VAV3: variants seen among roughly 807,000 people sequenced by gnomAD.
The protein encoded by VAV3 is vav guanine nucleotide exchange factor 3.
In VAV3, 94 loss-of-function variants were observed where a neutral mutation model predicts 131.2. The ratio of observed to expected loss-of-function variants is 0.72; its 90% confidence interval spans 0.61 to 0.85. VAV3 has a LOEUF of 0.85. Among genes scored for constraint, VAV3 ranks in the 40% least tolerant of loss-of-function variants. VAV3 has a pLI of 0.00. For missense variants in VAV3, 939 were observed against 1,002.7 expected (o/e 0.94, Z 0.86); for synonymous variants, 349 against 342.0 (o/e 1.02, Z -0.22).
chr1:107,772,210 G>A (rs1041230342), intron 5 of VAV3, among the ~76,000 whole-genome samples: 2 of 152,300 alleles, frequency 1.3e-5, no homozygotes, highest in East Asian at 1.9e-4. Context: ...ATAAGGTTTT[G>A]AGGGCTCATA....
intron 1 of VAV3, among the ~76,000 whole-genome samples, chr1:107,879,402 A>G (rs1670657696): frequency 6.6e-6 from 1 of 152,212 alleles, no homozygotes; most frequent in African/African-American, 2.4e-5. Context: ...TCCTCTCAGA[A>G]AATTCTATAA....
intron 1 of VAV3, among the ~76,000 whole-genome samples, chr1:107,894,464 G>T (rs1671473470): frequency 6.6e-6 from 1 of 152,018 alleles, no homozygotes; most frequent in Non-Finnish European, 1.5e-5. Flanking sequence ...AAAACAAGCT[G>T]AACTCTCATA....
At chr1:107,910,623 G>A (rs1672321955) in intron 1 of VAV3, among the ~76,000 whole-genome samples, 1 of 152,180 alleles carries the variant, frequency 6.6e-6, no homozygotes, top group Non-Finnish European at 1.5e-5. Context: ...TTTAAAACAT[G>A]TAATACTAAT....
chr1:107,779,250 T>C (rs1665547127), intron 3 of VAV3, among the ~76,000 whole-genome samples, 184 bp downstream of exon 3: 1 of 152,064 alleles, frequency 6.6e-6, no homozygotes, highest in Admixed American at 6.5e-5. Context: ...GTTATTCAAC[T>C]CTATCAATAA....
intron 19 of VAV3, among the ~76,000 whole-genome samples, chr1:107,665,957 G>A (rs1437897893): frequency 6.6e-6 from 1 of 152,128 alleles, no homozygotes; most frequent in African/African-American, 2.4e-5. Context: ...AGAATTGTGA[G>A]GAAAAAGGAA....
At chr1:107,577,972 AAT>A (rs1649771027) in intron 25 of VAV3, among the ~76,000 whole-genome samples, 1 of 152,214 alleles carries the variant, frequency 6.6e-6, no homozygotes, top group South Asian at 2.1e-4. Context: ...ATCATCTTCC[AAT>A]ATATTCTGCC....
At chr1:107,861,767 T>C (rs1283739423) in intron 2 of VAV3, among the ~76,000 whole-genome samples, 2 of 151,550 alleles carry the variant, frequency 1.3e-5, no homozygotes, top group African/African-American at 2.4e-5. Flanking sequence ...ACACAATCTA[T>C]AAGGCACCTG....
chr1:107,908,935 T>C (rs1016868145), intron 1 of VAV3, among the ~76,000 whole-genome samples: 3 of 147,984 alleles, frequency 2.0e-5, no homozygotes. Context: ...CTCAGCAAAA[T>C]AACAAATACT....
intron 21 of VAV3, among the ~76,000 whole-genome samples, chr1:107,615,479 C>T (rs1396355080): frequency 6.6e-6 from 1 of 152,024 alleles, no homozygotes; most frequent in African/African-American, 2.4e-5. Context: ...AATGTAAATC[C>T]TAAAGCTATA....
intron 15 of VAV3, among the ~76,000 whole-genome samples, chr1:107,740,157 C>A (rs999772020): frequency 6.6e-6 from 1 of 152,066 alleles, no homozygotes; most frequent in Non-Finnish European, 1.5e-5. Flanking sequence ...TGTGGTGTTG[C>A]GTGCCTATAA....
At chr1:107,614,837 C>T (rs1424470207) in intron 21 of VAV3, among the ~76,000 whole-genome samples, 1 of 152,064 alleles carries the variant, frequency 6.6e-6, no homozygotes, top group African/African-American at 2.4e-5. Flanking sequence ...ATGCCTTATT[C>T]AAGAGGATGT....
chr1:107,863,696 C>A lies in VAV3; in HGVS notation c.321+11205G>T, dbSNP rs79041245. On this transcript the variant is annotated intron_variant, in intron 2 of 26. Coordinates refer to ENST00000370056, the MANE Select transcript of VAV3 (RefSeq NM_006113.5). The stretch of plus-strand genomic sequence containing the variant: ...TATAGATACGTATATCTTGGTATGT[C>A]TGTAAACCTCTGTGTGCATATTTAC... Among the ~76,000 whole-genome samples the A allele has an allele frequency of 4.2e-3, 645 of 152,276 alleles. 8 individuals carry two copies. Among genetic ancestry groups the A allele is most frequent in the African/African-American group, 0.015 (620 of 41,550 alleles).
At chr1:107,922,724 G>T (rs888362408) in intron 1 of VAV3, among the ~76,000 whole-genome samples, 5 of 151,742 alleles carry the variant, frequency 3.3e-5, no homozygotes, top group African/African-American at 1.2e-4. Context: ...AGGCAGAGGC[G>T]GGCGGATCAT....
intron 2 of VAV3, among the ~76,000 whole-genome samples, chr1:107,832,391 A>C (rs994218084): frequency 6.6e-6 from 1 of 152,230 alleles, no homozygotes; most frequent in Non-Finnish European, 1.5e-5. Context: ...AAGAACAGGA[A>C]GAACCTTCGA....
chr1:107,666,921 C>G (rs1184051473), intron 19 of VAV3, among the ~76,000 whole-genome samples: 1 of 152,162 alleles, frequency 6.6e-6, no homozygotes, highest in Non-Finnish European at 1.5e-5. Flanking sequence ...AGACTGCATT[C>G]AAACCTAGGC....
intron 19 of VAV3, among the ~76,000 whole-genome samples, chr1:107,659,843 C>T (rs530847009): frequency 6.6e-6 from 1 of 152,180 alleles, no homozygotes; most frequent in South Asian, 2.1e-4. Context: ...ATAAAATCTC[C>T]AATGAGAAAC....
chr1:107,811,700 A>ATTTT (rs752946348), intron 2 of VAV3, among the ~76,000 whole-genome samples: 2 of 152,210 alleles, frequency 1.3e-5, no homozygotes, highest in Non-Finnish European at 2.9e-5. Context: ...AAGTAAACAT[A>ATTTT]TTAAAAACAG....
intron 2 of VAV3, among the ~76,000 whole-genome samples, chr1:107,803,708 T>G (rs1426565755): frequency 6.6e-6 from 1 of 152,086 alleles, no homozygotes; most frequent in Non-Finnish European, 1.5e-5. Flanking sequence ...CTAATGAAAA[T>G]AATGTGTATT....
intron 2 of VAV3, among the ~76,000 whole-genome samples, chr1:107,829,035 A>G (rs534972659): frequency 4.1e-4 from 62 of 152,306 alleles, no homozygotes; most frequent in African/African-American, 1.5e-3. Context: ...ATAACAAATT[A>G]CGGATGCTGG....
Sources: gnomAD v4.1 joint callset for allele counts (sites outside exome capture counted in the v4.1 genomes callset) on GRCh38, gnomAD v4.1.1 for gene constraint, MANE v1.5 for transcripts, NCBI Gene and HGNC (gene_info 2026-07-23, HGNC 2026-07-21) for gene names.